The following QRSL1 variants were observed in gnomAD, a reference collection of about 807,000 sequenced individuals.
QRSL1 encodes the protein glutaminyl-tRNA amidotransferase subunit QRSL1.
A neutral mutation model predicts 61.6 loss-of-function variants in QRSL1; 54 were observed. That is an observed-to-expected ratio of 0.88 (90% CI 0.70 to 1.10). The LOEUF is 1.10. Ranked by LOEUF, QRSL1 falls within the 50% of genes least tolerant of loss-of-function variation. The pLI is 0.00. For missense variants in QRSL1, 505 were observed against 622.6 expected, an observed-to-expected ratio of 0.81 and a Z score of 2.01; for synonymous variants, 228 against 225.7, an observed-to-expected ratio of 1.01 and a Z score of -0.09.
intron 9 of QRSL1, among the ~76,000 whole-genome samples, chr6:106,660,337 C>A (rs1269057362): frequency 6.6e-6 from 1 of 151,630 alleles, no homozygotes; most frequent in African/African-American, 2.4e-5. Flanking sequence ...CCCACCCCCC[C>A]CGTGAAGCTA....
At position 106,629,671 on chromosome 6, in the gene QRSL1, G is replaced by A; in HGVS notation, c.-11G>A. 2 of 1,604,416 alleles carry A rather than the reference G, an allele frequency of 1.2e-6. No individual in the cohort carries two copies. The highest frequency in any genetic ancestry group is 2.2e-5 in the East Asian group (1 of 44,572). On this transcript the variant is annotated 5_prime_UTR_variant, in exon 1 of 11. Transcript: ENST00000369046. Reference sequence around the variant, plus strand: ...CCTGGCTCCTGTGGTGGCAGGCTGGGCACGAGGACCATGCTGGGCCGGAGC... The same window carrying A: ...CCTGGCTCCTGTGGTGGCAGGCTGGACACGAGGACCATGCTGGGCCGGAGC...
rs986259546 is a variant in QRSL1 at position 106,652,246 on chromosome 6, C to T, written c.595C>T (p.Pro199Ser). ...AGATACAGGAGGATCGACCAGAAAT[C>T]CTGCTGCCCACTGTGGGCTTGTTGG... ...GSDTGGSTRN[P>S]AAHCGLVGFK... Residue 199 changes from proline to serine, a missense_variant, in exon 6 of 11, where the codon CCT becomes TCT. By Grantham distance (74) the Pro-to-Ser change is moderately conservative. Transcript: ENST00000369046. 4 of 1,614,018 alleles carry T rather than the reference C, an allele frequency of 2.5e-6. No individual in the cohort carries two copies. In the African/African-American group the frequency reaches 4.0e-5, roughly 16 times the overall value.
At chr6:106,633,084 G>A (rs1238523360) in intron 1 of QRSL1, among the ~76,000 whole-genome samples, 4 of 152,216 alleles carry the variant, frequency 2.6e-5, no homozygotes, top group Non-Finnish European at 5.9e-5. Context: ...CGCATGGGGG[G>A]AGAAAAGAAC....
intron 9 of QRSL1, among the ~76,000 whole-genome samples, chr6:106,657,854 G>A (rs1582419621): frequency 6.6e-6 from 1 of 152,152 alleles, no homozygotes; most frequent in Middle Eastern, 3.4e-3. Context: ...ACAGGCACAC[G>A]CCACCACACA....
chr6:106,638,068 G>A (rs185347610), intron 1 of QRSL1, among the ~76,000 whole-genome samples: 84 of 152,314 alleles, frequency 5.5e-4, no homozygotes, highest in Non-Finnish European at 1.0e-3. Flanking sequence ...GGGGACTTGA[G>A]AGGAGTCAAG....
intron 9 of QRSL1, among the ~76,000 whole-genome samples, chr6:106,662,549 T>C (rs940783436): frequency 2.6e-5 from 4 of 151,948 alleles, no homozygotes; most frequent in African/African-American, 9.7e-5. Context: ...CCAGTATTTC[T>C]GGTTTTCTTC....
intron 1 of QRSL1, among the ~76,000 whole-genome samples, chr6:106,636,339 T>A (rs1239756354): frequency 6.7e-6 from 1 of 150,268 alleles, no homozygotes; most frequent in African/African-American, 2.5e-5. Context: ...TTTTTTTTTT[T>A]AAGACGGAGT....
intron 10 of QRSL1, among the ~76,000 whole-genome samples, chr6:106,663,872 T>C (rs1197105235): frequency 6.6e-6 from 1 of 152,220 alleles, no homozygotes; most frequent in East Asian, 1.9e-4. Context: ...TAATGAATGC[T>C]GATATGCCCT....
intron 1 of QRSL1, among the ~76,000 whole-genome samples, chr6:106,631,101 C>T (rs1448061197): frequency 6.6e-6 from 1 of 151,828 alleles, no homozygotes; most frequent in Non-Finnish European, 1.5e-5. Context: ...TGGCGGGCGC[C>T]TGTAGTCCCA....
At position 106,640,061 on chromosome 6, in the gene QRSL1, A is replaced by T. The variant is rs1302248059; in HGVS notation, c.25-288A>T. ...CATGCTGGGCCTCAACTCCCCCTGG[A>T]CAGGATGGTTTACCTAACTTACTGC... On this transcript the variant is annotated intron_variant, in intron 1 of 10. Transcript: ENST00000369046. 3 of 256,544 alleles carry T rather than the reference A, an allele frequency of 1.2e-5. No individual in the cohort carries two copies. The East Asian group carries it at 2.9e-4, about 25-fold the overall frequency. 15.9% of individuals were successfully genotyped at this position (256,544 alleles called of 1,614,324 possible).
chr6:106,656,942 C>T (rs1307370738), intron 9 of QRSL1, among the ~76,000 whole-genome samples: 1 of 152,188 alleles, frequency 6.6e-6, no homozygotes, highest in Non-Finnish European at 1.5e-5. Context: ...AGGCATGAGC[C>T]ACCATGCCAG....
chr6:106,635,164 T>G (rs1776900688), intron 1 of QRSL1, among the ~76,000 whole-genome samples: 1 of 151,594 alleles, frequency 6.6e-6, no homozygotes, highest in Non-Finnish European at 1.5e-5. Flanking sequence ...TAGGGCCAGA[T>G]GAGATTACCT....
rs534687957 is a variant in QRSL1 at position 106,640,206 on chromosome 6, G to C, written c.25-143G>C. ...CTTCATCCACTACACTAAGTGTAGA[G>C]GTAATAGGTTCTCTTGATTTTGAAC... On this transcript the variant is annotated intron_variant, in intron 1 of 10. Transcript: ENST00000369046. 3.1e-5 allele frequency: 21 copies of C among 682,020 alleles called. No homozygotes were observed. In the East Asian group the frequency reaches 5.4e-4, roughly 18 times the overall value. 42.2% of individuals were successfully genotyped at this position (682,020 alleles called of 1,614,324 possible). A position where few individuals can be genotyped will look rare whatever the true frequency, so the allele number is the denominator to read the frequency against.
In QRSL1 at chr6:106,668,203, T is replaced by C. The variant is rs1216421562; in HGVS notation, c.*2201T>C. The C allele has an allele frequency of 6.6e-6, 1 of 152,176 alleles. No individual in the cohort carries two copies. The highest frequency in any genetic ancestry group is 1.5e-5 in the Non-Finnish European group (1 of 68,040). The allele number at this position is 152,176 out of a possible 1,614,324, so 9.4% of individuals were successfully genotyped here. A position where few individuals can be genotyped will look rare whatever the true frequency, so the allele number is the denominator to read the frequency against. On this transcript the variant is annotated 3_prime_UTR_variant, in exon 11 of 11. Coordinates refer to ENST00000369046, the MANE Select transcript of QRSL1 (RefSeq NM_018292.5). ...TGTATCTCTACATGAGCTGCACTAA[T>C]AATTTGAATCTGGAAATTAAAAAGT...
Position 106,640,346 on chromosome 6 carries a change from T to C in QRSL1, c.25-3T>C. On this transcript the variant is annotated splice_polypyrimidine_tract_variant and splice_region_variant and intron_variant, in intron 1 of 10. Transcript: ENST00000369046. ...AAAGGTTTTTGAATTGTATACACTA[T>C]AGGTTTCTGCGGCACTGAAACAAGG... is the stretch of plus-strand genomic sequence containing the variant. 1.9e-6 allele frequency: 3 copies of C among 1,608,094 alleles called. No homozygotes were observed. Among genetic ancestry groups the C allele is most frequent in the Non-Finnish European group, 2.6e-6 (3 of 1,175,880 alleles).
chr6:106,656,186 C>T (rs1331035168), intron 9 of QRSL1, among the ~76,000 whole-genome samples: 1 of 152,178 alleles, frequency 6.6e-6, no homozygotes, highest in African/African-American at 2.4e-5. Context: ...TTATATGAGA[C>T]TTGAATATCC....
chr6:106,665,778 C>T lies in QRSL1; in HGVS notation c.1367-4C>T, dbSNP rs1205712811. 1.9e-6 allele frequency: 3 copies of T among 1,613,422 alleles called. No individual in the cohort carries two copies. Among genetic ancestry groups the T allele is most frequent in the Non-Finnish European group, 8.5e-7 (1 of 1,179,608 alleles). ...TCACCTACTGGGTTTCCTTCTTTTC[C>T]CAGGATTGCCAGCAGTGAGTATCCC... On this transcript the variant is annotated splice_region_variant and splice_polypyrimidine_tract_variant and intron_variant, in intron 10 of 10. Coordinates refer to ENST00000369046, the MANE Select transcript of QRSL1 (RefSeq NM_018292.5).
intron 3 of QRSL1, 32 bp from the exon 4 acceptor site, chr6:106,642,961 TA>T (rs761439533): frequency 1.8e-4 from 257 of 1,415,624 alleles, no homozygotes; most frequent in Middle Eastern, 7.2e-4. Flanking sequence ...TTCTGGACTG[TA>T]AAAAAAATAA....
chr6:106,662,349 CATCT>C (rs1424457476), intron 9 of QRSL1, among the ~76,000 whole-genome samples: 1 of 152,144 alleles, frequency 6.6e-6, no homozygotes, highest in Admixed American at 6.6e-5. Flanking sequence ...TGTAGAATTG[CATCT>C]ACTAGTGAAT....
Sources: allele counts gnomAD v4.1 joint callset (sites outside exome capture counted in the v4.1 genomes callset), GRCh38; gene constraint gnomAD v4.1.1; transcripts MANE v1.5; gene names NCBI Gene and HGNC (gene_info 2026-07-23, HGNC 2026-07-21).